The following MAP2K1 variants were observed in gnomAD, a reference collection of about 807,000 sequenced individuals.
The protein encoded by MAP2K1 is mitogen-activated protein kinase kinase 1.
In MAP2K1, 16 loss-of-function variants were observed where a neutral mutation model predicts 46.3. The observed-to-expected ratio is 0.35, with a 90% CI of 0.23 to 0.52. The LOEUF (loss-of-function observed/expected upper bound fraction) is 0.52. MAP2K1 is among the 20% of genes least tolerant of loss of function. The probability of loss-of-function intolerance (pLI) is 0.94; values close to 1 mark genes in which losing one functional copy is unlikely to be tolerated. For synonymous variants in MAP2K1, 183 were observed against 185.6 expected (o/e 0.99, Z 0.11); for missense variants, 263 against 497.1 (o/e 0.53, Z 4.48).
At chr15:66,415,290 G>A in intron 1 of MAP2K1, 2 of 337,066 alleles carry the variant, frequency 5.9e-6, no homozygotes, top group South Asian at 2.3e-5. Context: ...AAACTATCAG[G>A]GCCCACTGTG....
At position 66,489,729 on chromosome 15, in the gene MAP2K1, A is replaced by G. The variant is rs760766158; in HGVS notation, c.1034A>G (p.Asn345Ser). 24 of 1,613,638 alleles carry G rather than the reference A, an allele frequency of 1.5e-5. No homozygotes were observed. The South Asian group carries it at 2.2e-4, about 15-fold the overall frequency. ...TTTCTTCCTTTAAGCTTAATAAAAA[A>G]CCCCGCAGAGAGAGCAGATTTGAAG... is the stretch of plus-strand genomic sequence containing the variant. ...QDFVNKCLIK[N>S]PAERADLKQL... Residue 345 changes from asparagine (N) to serine (S), a missense_variant, in exon 10 of 11, where the codon AAC becomes AGC. By Grantham distance (46) the Asn-to-Ser change is conservative. Transcript: ENST00000307102.
At chr15:66,400,468 G>A (rs1308936575) in intron 1 of MAP2K1, among the ~76,000 whole-genome samples, 1 of 152,190 alleles carries the variant, frequency 6.6e-6, no homozygotes, top group African/African-American at 2.4e-5. Flanking sequence ...AGAGAACACA[G>A]AGACTAGGAA....
rs1206436229 is a variant in MAP2K1, at chr15:66,481,789, T to C, written c.603T>C (p.Arg201=). Residue 201 remains arginine, a synonymous_variant, in exon 6 of 11, where the codon CGT becomes CGC. Coordinates refer to ENST00000307102, the MANE Select transcript of MAP2K1 (RefSeq NM_002755.4). ...CCTCCAACATCCTAGTCAACTCCCG[T>C]GGGGAGATCAAGCTCTGTGACTTTG... ...VKPSNILVNS[R]GEIKLCDFGV... 2 of 1,613,306 alleles carry C rather than the reference T, an allele frequency of 1.2e-6. No homozygotes were observed. The highest frequency in any genetic ancestry group is 3.3e-5 in the Admixed American group (2 of 59,994).
chr15:66,400,531 T>C (rs2093378927), intron 1 of MAP2K1, among the ~76,000 whole-genome samples: 1 of 152,202 alleles, frequency 6.6e-6, no homozygotes, highest in South Asian at 2.1e-4. Flanking sequence ...TTGTTTCTGT[T>C]GTTCACTTCC....
chr15:66,440,261 T>A (rs923351422), intron 3 of MAP2K1, among the ~76,000 whole-genome samples: 1 of 152,136 alleles, frequency 6.6e-6, no homozygotes, highest in Non-Finnish European at 1.5e-5. Context: ...CTGGCTCATT[T>A]TTGTGTTTTT....
chr15:66,418,549 C>T (rs1035653041), intron 1 of MAP2K1, among the ~76,000 whole-genome samples: 3 of 152,116 alleles, frequency 2.0e-5, no homozygotes, highest in Admixed American at 6.6e-5. Context: ...TGGGTAATGT[C>T]CAGTACGTCA....
At chr15:66,413,135 A>G (rs915525753) in intron 1 of MAP2K1, among the ~76,000 whole-genome samples, 4 of 152,138 alleles carry the variant, frequency 2.6e-5, no homozygotes, top group Non-Finnish European at 5.9e-5. Flanking sequence ...ACCTCAGGTG[A>G]TCCACCTGCC....
rs9672582 is a variant in MAP2K1 at position 66,445,148 on chromosome 15, G to C, written c.568+441G>C. On this transcript the variant is annotated intron_variant, in intron 5 of 10. Coordinates refer to ENST00000307102, the MANE Select transcript of MAP2K1 (RefSeq NM_002755.4). The stretch of plus-strand genomic sequence containing the variant: ...GCACTTTGGGAGGCCGAGGGGCAGC[G>C]GGGGGAGGTGGGGGGGTGGATCATG... Among the ~76,000 whole-genome samples the C allele has an allele frequency of 2.1e-5, 3 of 144,290 alleles. No homozygotes were observed. In the Admixed American group the frequency reaches 2.1e-4, roughly 10 times the overall value. 94.7% of individuals were successfully genotyped at this position (144,290 alleles called of 152,430 possible). A position where few individuals can be genotyped will look rare whatever the true frequency, so the allele number is the denominator to read the frequency against.
intron 1 of MAP2K1, among the ~76,000 whole-genome samples, chr15:66,395,725 C>T (rs1260106075): frequency 6.6e-6 from 1 of 150,388 alleles, no homozygotes; most frequent in Non-Finnish European, 1.5e-5. Context: ...TACAGGCGCA[C>T]ACCACCACGC....
intron 1 of MAP2K1, among the ~76,000 whole-genome samples, chr15:66,421,800 A>G (rs2093444235): frequency 6.6e-6 from 1 of 150,778 alleles, no homozygotes; most frequent in East Asian, 1.9e-4. Context: ...CCATCTCAAA[A>G]AAAAAAAACC....
intron 5 of MAP2K1, among the ~76,000 whole-genome samples, chr15:66,456,443 G>C (rs898951841): frequency 3.3e-5 from 5 of 152,144 alleles, no homozygotes; most frequent in African/African-American, 1.2e-4. Flanking sequence ...CCAGGAGGTC[G>C]GAAGGCAGGG....
At chr15:66,399,297 A>AT (rs1326385911) in intron 1 of MAP2K1, among the ~76,000 whole-genome samples, 1 of 152,226 alleles carries the variant, frequency 6.6e-6, no homozygotes, top group African/African-American at 2.4e-5. Flanking sequence ...TTTGTAATAC[A>AT]TTTAAAAAGT....
chr15:66,392,623 G>A (rs1205566188), intron 1 of MAP2K1, among the ~76,000 whole-genome samples: 2 of 147,086 alleles, frequency 1.4e-5, no homozygotes, highest in Admixed American at 6.9e-5. Flanking sequence ...GCATGATCTC[G>A]GCTCACCGCA....
chr15:66,435,958 G>T (rs1405898686), intron 2 of MAP2K1, among the ~76,000 whole-genome samples: 2 of 152,132 alleles, frequency 1.3e-5, no homozygotes, highest in Non-Finnish European at 2.9e-5. Context: ...TGTAGAGCTG[G>T]ACTTCCCTTT....
chr15:66,387,481 G>C lies in MAP2K1; in HGVS notation c.80+54G>C, dbSNP rs4483802. The C allele has an allele frequency of 0.068, 103,568 of 1,520,870 alleles. 3,966 individuals carry two copies. Among genetic ancestry groups the C allele is most frequent in the Middle Eastern group, 0.12 (709 of 5,892 alleles). 94.2% of individuals were successfully genotyped at this position (1,520,870 alleles called of 1,614,324 possible). ...GGGCCCGGCTGGGGAGGCCCGAGCC[G>C]GGGAGCAGGAGCGCGCGCCAGGCTC... On this transcript the variant is annotated intron_variant, in intron 1 of 10. Transcript: ENST00000307102.
chr15:66,490,797 T>C lies in MAP2K1; in HGVS notation c.*182T>C. On this transcript the variant is annotated 3_prime_UTR_variant, in exon 11 of 11. Transcript: ENST00000307102. The stretch of plus-strand genomic sequence containing the variant: ...TTAATATTACTGTCTTTATTCTTAT[T>C]ACTATTATTGTTCCCCTAAGTGGAT... 2 of 685,292 alleles carry C rather than the reference T, an allele frequency of 2.9e-6. No homozygotes were observed. Among genetic ancestry groups the C allele is most frequent in the Non-Finnish European group, 5.3e-6 (2 of 374,000 alleles). The allele number at this position is 685,292 out of a possible 1,614,324, so 42.5% of individuals were successfully genotyped here.
intron 8 of MAP2K1, 115 bp downstream of exon 8, chr15:66,487,407 G>A: frequency 1.0e-6 from 1 of 976,872 alleles, no homozygotes. Context: ...GGGAGGCTGA[G>A]GCGGGTGGAT....
rs528868581 is a variant in MAP2K1 at position 66,392,949 on chromosome 15, A to G, written c.80+5522A>G. Reference sequence around the variant, plus strand: ...TATTTCTCTTGGTTGTAGAGCAGTCATGTTTGCCTGCCACATTTTACTTAT... The same window carrying G: ...TATTTCTCTTGGTTGTAGAGCAGTCGTGTTTGCCTGCCACATTTTACTTAT... On this transcript the variant is annotated intron_variant, in intron 1 of 10. Transcript: ENST00000307102. 5.9e-5 allele frequency among the ~76,000 whole-genome samples: 9 copies of G among 152,262 alleles called. No individual in the cohort carries two copies. The South Asian group carries it at 1.9e-3, about 32-fold the overall frequency.
chr15:66,488,935 T>C (rs1436166305), intron 8 of MAP2K1: 7 of 537,128 alleles, frequency 1.3e-5, no homozygotes, highest in Non-Finnish European at 2.0e-5. Flanking sequence ...CATAGAGGAA[T>C]AGTGATTAGT....
Sources: gnomAD v4.1 joint callset for allele counts (sites outside exome capture counted in the v4.1 genomes callset) on GRCh38, gnomAD v4.1.1 for gene constraint, MANE v1.5 for transcripts, NCBI Gene and HGNC (gene_info 2026-07-23, HGNC 2026-07-21) for gene names.